The following CNTNAP2 variants were observed in gnomAD, a reference collection of about 807,000 sequenced individuals.
The protein encoded by CNTNAP2 is contactin-associated protein-like 2.
CNTNAP2 carries 98 observed loss-of-function variants against 155.2 expected under a neutral mutation model. That is an observed-to-expected ratio of 0.63 (90% confidence interval 0.54 to 0.75). CNTNAP2 has a LOEUF of 0.75. CNTNAP2 is among the 30% of genes least tolerant of loss of function. The pLI is 0.00. For missense variants in CNTNAP2, 1,727 were observed against 1,688.1 expected (o/e 1.02, Z -0.40); for synonymous variants, 651 against 631.2 (o/e 1.03, Z -0.47).
intron 3 of CNTNAP2, among the ~76,000 whole-genome samples, chr7:147,038,036 T>A (rs2129252789): frequency 6.6e-6 from 1 of 152,290 alleles, no homozygotes; most frequent in South Asian, 2.1e-4. Flanking sequence ...ACACCTATAG[T>A]CCTAGCTACT....
In CNTNAP2 at chr7:147,185,342, G is replaced by A. The variant is rs114355213; in HGVS notation, c.1348+52833G>A. On this transcript the variant is annotated intron_variant, in intron 8 of 23. Coordinates refer to ENST00000361727, the MANE Select transcript of CNTNAP2 (RefSeq NM_014141.6). Reference sequence around the variant, plus strand: ...TTATCAAATAAAGTTGAGCTTGCACGTAATCTACAAATCAGCAACTCTACT... The same window carrying A: ...TTATCAAATAAAGTTGAGCTTGCACATAATCTACAAATCAGCAACTCTACT... 5.3e-3 allele frequency among the ~76,000 whole-genome samples: 800 copies of A among 152,118 alleles called. 4 individuals are homozygous for A. The highest frequency in any genetic ancestry group is 0.018 in the African/African-American group (746 of 41,502).
intron 12 of CNTNAP2, among the ~76,000 whole-genome samples, chr7:147,607,288 G>A (rs76245534): frequency 6.6e-6 from 1 of 152,100 alleles, no homozygotes. Context: ...AGATCAGAGA[G>A]ACTTTGGTTC....
chr7:146,597,466 A>T (rs1398759583), intron 1 of CNTNAP2, among the ~76,000 whole-genome samples: 1 of 152,088 alleles, frequency 6.6e-6, no homozygotes, highest in Non-Finnish European at 1.5e-5. Context: ...AATTATTTTG[A>T]CACGCACACA....
At chr7:147,753,111 G>C (rs561951082) in intron 13 of CNTNAP2, among the ~76,000 whole-genome samples, 12 of 152,222 alleles carry the variant, frequency 7.9e-5, no homozygotes, top group Non-Finnish European at 1.6e-4. Context: ...TATACATAGA[G>C]GTTCTTTCTC....
chr7:147,897,767 G>A (rs1369750539), intron 13 of CNTNAP2, among the ~76,000 whole-genome samples: 1 of 152,126 alleles, frequency 6.6e-6, no homozygotes, highest in Non-Finnish European at 1.5e-5. Context: ...CCATAAATGG[G>A]ATATTTCAAC....
chr7:148,060,394 C>T, intron 15 of CNTNAP2, among the ~76,000 whole-genome samples: 1 of 151,838 alleles, frequency 6.6e-6, no homozygotes, highest in East Asian at 1.9e-4. Context: ...ATTAAATGAC[C>T]TGAAGCTTTT....
intron 1 of CNTNAP2, among the ~76,000 whole-genome samples, chr7:146,259,406 C>T (rs186705404): frequency 6.6e-6 from 1 of 152,086 alleles, no homozygotes; most frequent in Non-Finnish European, 1.5e-5. Context: ...TGGGGAAGGT[C>T]AGAATTTCCT....
chr7:146,624,698 C>T (rs1225745832), intron 1 of CNTNAP2, among the ~76,000 whole-genome samples: 1 of 151,800 alleles, frequency 6.6e-6, no homozygotes, highest in East Asian at 1.9e-4. Flanking sequence ...AGTATTGTAG[C>T]TATTTCATGT....
chr7:146,319,640 A>G (rs1335012852), intron 1 of CNTNAP2, among the ~76,000 whole-genome samples: 1 of 152,236 alleles, frequency 6.6e-6, no homozygotes, highest in Non-Finnish European at 1.5e-5. Context: ...ATGCATATTT[A>G]AGATGTGATC....
intron 8 of CNTNAP2, among the ~76,000 whole-genome samples, chr7:147,198,522 G>A (rs573385822): frequency 2.6e-5 from 4 of 152,202 alleles, no homozygotes; most frequent in South Asian, 2.1e-4. Flanking sequence ...GTGAGCCACC[G>A]CGCCAGGCTG....
intron 19 of CNTNAP2, among the ~76,000 whole-genome samples, chr7:148,219,472 T>C (rs1286209815): frequency 6.6e-6 from 1 of 152,178 alleles, no homozygotes; most frequent in East Asian, 1.9e-4. Flanking sequence ...GGCAGGAGGA[T>C]TGCTTGAGAC....
chr7:146,303,157 C>T (rs1800644413), intron 1 of CNTNAP2, among the ~76,000 whole-genome samples: 1 of 151,434 alleles, frequency 6.6e-6, no homozygotes, highest in South Asian at 2.1e-4. Context: ...TAGGGATTCA[C>T]AAAGGGATTG....
chr7:147,260,592 T>G (rs1804439292), intron 8 of CNTNAP2, among the ~76,000 whole-genome samples: 1 of 152,152 alleles, frequency 6.6e-6, no homozygotes, highest in Non-Finnish European at 1.5e-5. Flanking sequence ...AATATGAAAA[T>G]TAATAGTGAT....
chr7:147,189,748 T>TG (rs375584038), intron 8 of CNTNAP2, among the ~76,000 whole-genome samples: 1 of 151,526 alleles, frequency 6.6e-6, no homozygotes, highest in African/African-American at 2.4e-5. Context: ...ACCACTTTTT[T>TG]TTGTTGTTGT....
chr7:146,957,911 G>A (rs1797468646), intron 3 of CNTNAP2, among the ~76,000 whole-genome samples: 1 of 152,116 alleles, frequency 6.6e-6, no homozygotes, highest in African/African-American at 2.4e-5. Flanking sequence ...TATCATTCAT[G>A]ATAAATGAAA....
chr7:147,093,783 G>C (rs1482665200), intron 4 of CNTNAP2, among the ~76,000 whole-genome samples: 1 of 152,162 alleles, frequency 6.6e-6, no homozygotes, highest in Non-Finnish European at 1.5e-5. Context: ...CTCAAGGTGT[G>C]ATTCATCCAG....
intron 3 of CNTNAP2, among the ~76,000 whole-genome samples, chr7:147,030,940 A>G (rs970822309): frequency 6.6e-6 from 1 of 152,190 alleles, no homozygotes; most frequent in Non-Finnish European, 1.5e-5. Flanking sequence ...TATTACATTT[A>G]ATAATATACT....
chr7:147,356,580 G>C (rs1584895988), intron 9 of CNTNAP2, among the ~76,000 whole-genome samples: 1 of 152,088 alleles, frequency 6.6e-6, no homozygotes, highest in South Asian at 2.1e-4. Context: ...TCTTTATTTA[G>C]TATTTAGTCT....
chr7:147,239,493 G>C lies in CNTNAP2; in HGVS notation c.1349-60648G>C, dbSNP rs185391691. ...CCACTGCACTCCAGCCTGGGCAATA[G>C]AGCGAGACTCCGTTTCCAAAAAAAA... On this transcript the variant is annotated intron_variant, in intron 8 of 23. Coordinates refer to ENST00000361727, the MANE Select transcript of CNTNAP2 (RefSeq NM_014141.6). 4.9e-3 allele frequency among the ~76,000 whole-genome samples: 724 copies of C among 146,926 alleles called. 7 individuals carry two copies. The highest frequency in any genetic ancestry group is 0.017 in the African/African-American group (690 of 39,596).
Sources: allele counts gnomAD v4.1 joint callset (sites outside exome capture counted in the v4.1 genomes callset), GRCh38; gene constraint gnomAD v4.1.1; transcripts MANE v1.5; gene names NCBI Gene and HGNC (gene_info 2026-07-23, HGNC 2026-07-21).